Variants in TBC1D26 observed in about 807,000 individuals in gnomAD.
TBC1D26 encodes TBC1 domain family member 26, also known as TBC1 domain family, member 26.
TBC1D26 carries 19 observed loss-of-function variants against 42.5 expected under a neutral mutation model. The observed-to-expected ratio is 0.45, with a 90% CI of 0.31 to 0.66. The LOEUF (loss-of-function observed/expected upper bound fraction) is 0.66, where lower values mean the gene tolerates loss of function less well. TBC1D26 is among the 30% of genes least tolerant of loss of function. The pLI, the probability that TBC1D26 is intolerant of heterozygous loss-of-function variation, is 0.06. For synonymous variants in TBC1D26, 97 were observed against 123.5 expected, an observed-to-expected ratio of 0.79 and a Z score of 1.42; for missense variants, 228 against 332.6, an observed-to-expected ratio of 0.69 and a Z score of 2.45.
At chr17:15,741,398 C>G in intron 10 of TBC1D26, 177 bp downstream of exon 10, 3 of 1,142,944 alleles carry the variant, frequency 2.6e-6, no homozygotes, top group Non-Finnish European at 3.7e-6. Flanking sequence ...CAGCCTGGGT[C>G]TGGACAGGAA....
intron 10 of TBC1D26, 182 bp from the exon 11 acceptor site, chr17:15,741,760 G>T: frequency 1.7e-6 from 1 of 604,804 alleles, no homozygotes. Flanking sequence ...CCAGGAGGCC[G>T]CTAGGCAGTG....
intron 9 of TBC1D26, chr17:15,740,535 G>C (rs1429029367): frequency 4.2e-6 from 5 of 1,188,516 alleles, no homozygotes; most frequent in Non-Finnish European, 5.2e-6. Flanking sequence ...ACCTGGCAAG[G>C]ATCCAATTTC....
At chr17:15,737,656 T>C (rs1361653935) in intron 5 of TBC1D26, 133 bp downstream of exon 5, 11 of 1,081,894 alleles carry the variant, frequency 1.0e-5, no homozygotes, top group Non-Finnish European at 1.5e-5. Flanking sequence ...AGGGGTGGCC[T>C]TTCCTGCTGG....
Position 15,743,509 on chromosome 17 carries a change from A to AC in TBC1D26, c.1055dup (p.Gly353ArgfsTer32). On this transcript the variant is annotated frameshift_variant, in exon 14 of 15. Coordinates refer to ENST00000437605, the MANE Select transcript of TBC1D26 (RefSeq NM_001388465.1). LOFTEE classifies it high-confidence loss of function. ...TCACAAAAAAACACTGGGACCTGCC[A>AC]CCCCCAGGTGGGCTCTAGCACCAGG... 1.0e-6 allele frequency: 1 copy of AC among 1,001,052 alleles called. No individual in the cohort carries two copies. Among genetic ancestry groups the AC allele is most frequent in the Non-Finnish European group, 1.2e-6 (1 of 837,028 alleles). The allele number at this position is 1,001,052 out of a possible 1,614,324, so 62.0% of individuals were successfully genotyped here. A position where few individuals can be genotyped will look rare whatever the true frequency, so the allele number is the denominator to read the frequency against.
Position 15,738,503 on chromosome 17 carries a change from C to T in TBC1D26, c.387+116C>T, listed in dbSNP as rs1465247. On this transcript the variant is annotated intron_variant, in intron 7 of 14. Transcript: ENST00000437605. ...GTTGGGAGTGGGGGCTGTGGTCAGACGCACATCCTGGGCATAGATGGTAAC... is the reference window on the plus strand; with the variant it reads ...GTTGGGAGTGGGGGCTGTGGTCAGATGCACATCCTGGGCATAGATGGTAAC... 8.3e-5 allele frequency: 114 copies of T among 1,367,010 alleles called. 1 individual carries two copies. The highest frequency in any genetic ancestry group is 3.7e-4 in the Middle Eastern group (2 of 5,406). The allele number at this position is 1,367,010 out of a possible 1,614,324, so 84.7% of individuals were successfully genotyped here.
intron 8 of TBC1D26, among the ~76,000 whole-genome samples, chr17:15,739,079 T>G: frequency 7.1e-6 from 1 of 141,154 alleles, no homozygotes. Context: ...AAAAAAAGAG[T>G]CATGCAGATG....
chr17:15,743,621 C>A, intron 14 of TBC1D26, 105 bp downstream of exon 14: 1 of 271,462 alleles, frequency 3.7e-6, no homozygotes, highest in Non-Finnish European at 5.7e-6. Flanking sequence ...CCTCCTGCAC[C>A]TCTTCTTCCT....
intron 10 of TBC1D26, 33 bp from the exon 11 acceptor site, chr17:15,741,909 G>A: frequency 6.2e-7 from 1 of 1,609,268 alleles, no homozygotes; most frequent in African/African-American, 1.3e-5. Flanking sequence ...TGGGCGTGGG[G>A]TCTGATGGGG....
At chr17:15,741,321 G>T in intron 10 of TBC1D26, 100 bp downstream of exon 10, 1 of 1,584,862 alleles carries the variant, frequency 6.3e-7, no homozygotes, top group Non-Finnish European at 8.6e-7. Flanking sequence ...TGACTTCCAG[G>T]CAAGGTGCCT....
chr17:15,744,073 C>T (rs772874178), intron 14 of TBC1D26, among the ~76,000 whole-genome samples, 170 bp from the exon 15 acceptor site: 1 of 151,966 alleles, frequency 6.6e-6, no homozygotes, highest in Non-Finnish European at 1.5e-5. Flanking sequence ...GCAGGAGACT[C>T]CTGACCCACT....
chr17:15,742,439 G>T lies in TBC1D26; in HGVS notation c.767G>T (p.Gly256Val). 3.7e-6 allele frequency: 1 copy of T among 273,848 alleles called. No homozygotes were observed. Among genetic ancestry groups the T allele is most frequent in the Non-Finnish European group, 7.1e-6 (1 of 140,858 alleles). The allele number at this position is 273,848 out of a possible 1,614,324, so 17.0% of individuals were successfully genotyped here. The change falls in exon 12 of 15, where the codon GGT becomes GTT. Residue 256 changes from glycine (G) to valine (V), a missense_variant. Physicochemically the swap from Gly to Val is moderately radical, Grantham distance 109 (BLOSUM62 -3). Transcript: ENST00000437605. ...GGCAAGGAAGGGCTGTGCATTGAGGGTTCCATGCTGACGAGGCTCCTCCGG... is the reference window on the plus strand; with the variant it reads ...GGCAAGGAAGGGCTGTGCATTGAGGTTTCCATGCTGACGAGGCTCCTCCGG... ...HLGKEGLCIEGSMLTRLLRCF... is the reference protein window; with the variant it reads ...HLGKEGLCIEVSMLTRLLRCF...
At chr17:15,740,018 G>A (rs1429203674) in intron 8 of TBC1D26, 82 bp from the exon 9 acceptor site, 11 of 1,531,232 alleles carry the variant, frequency 7.2e-6, no homozygotes, top group African/African-American at 4.1e-5. Flanking sequence ...AATTGTGTTC[G>A]TTATTTGGGT....
chr17:15,740,841 G>A (rs1967757345), intron 9 of TBC1D26: 1 of 609,426 alleles, frequency 1.6e-6, no homozygotes, highest in African/African-American at 1.9e-5. Context: ...TGGCCCAGGG[G>A]AGGGAGCATG....
intron 8 of TBC1D26, 39 bp from the exon 9 acceptor site, chr17:15,740,061 C>A: frequency 1.3e-6 from 2 of 1,558,068 alleles, no homozygotes; most frequent in Non-Finnish European, 1.7e-6. Flanking sequence ...AGCGTCTGCA[C>A]ACACACAAAA....
intron 11 of TBC1D26, 140 bp from the exon 12 acceptor site, chr17:15,742,274 C>A: frequency 1.9e-6 from 1 of 539,400 alleles, no homozygotes. Context: ...GTCCACCGGG[C>A]GTCCGTGCAT....
intron 9 of TBC1D26, chr17:15,740,745 T>C: frequency 9.3e-7 from 1 of 1,071,740 alleles, no homozygotes; most frequent in Non-Finnish European, 1.1e-6. Context: ...ACCTTTTGTG[T>C]GGTGGTCAGC....
intron 10 of TBC1D26, 38 bp from the exon 11 acceptor site, chr17:15,741,904 G>T (rs370843078): frequency 6.2e-7 from 1 of 1,603,496 alleles, no homozygotes; most frequent in African/African-American, 1.3e-5. Flanking sequence ...CATTTTGGGC[G>T]TGGGGTCTGA....
intron 9 of TBC1D26, chr17:15,740,757 C>A (rs1967755208): frequency 9.7e-7 from 1 of 1,035,634 alleles, no homozygotes; most frequent in African/African-American, 1.7e-5. Flanking sequence ...GTGGTCAGCG[C>A]CCCGCTGCCT....
chr17:15,738,142 G>A (rs1265388424), intron 6 of TBC1D26, 65 bp downstream of exon 6: 11 of 1,613,090 alleles, frequency 6.8e-6, no homozygotes, highest in Middle Eastern at 1.6e-4. Context: ...GGCACCCATG[G>A]TTGTGACCTG....
Sources: allele counts gnomAD v4.1 joint callset (sites outside exome capture counted in the v4.1 genomes callset), GRCh38; gene constraint gnomAD v4.1.1; transcripts MANE v1.5; gene names NCBI Gene and HGNC (gene_info 2026-07-23, HGNC 2026-07-21).